The following PKD1 variants were observed in gnomAD, a reference collection of about 807,000 sequenced individuals.
PKD1 encodes the protein polycystin-1.
A neutral mutation model predicts 361.7 loss-of-function variants in PKD1; 81 were observed. The ratio of observed to expected loss-of-function variants is 0.22; its 90% CI spans 0.19 to 0.27. PKD1 has a LOEUF of 0.27. PKD1 is among the 10% of genes least tolerant of loss of function. PKD1 has a pLI of 1.00. For missense variants in PKD1, 6,399 were observed against 6,118.3 expected (o/e 1.05, Z -1.53); for synonymous variants, 3,615 against 2,818.3 (o/e 1.28, Z -8.95).
chr16:2,131,306 T>A (rs1167353050), intron 1 of PKD1, among the ~76,000 whole-genome samples: 1 of 149,332 alleles, frequency 6.7e-6, no homozygotes, highest in East Asian at 2.0e-4. Flanking sequence ...GGTCAGGAGA[T>A]CCAGACCATC....
At position 2,110,691 on chromosome 16, in the gene PKD1, A is replaced by G. The variant is rs1476951933; in HGVS notation, c.4476T>C (p.Arg1492=). Residue 1492 remains arginine (R), a synonymous_variant, in exon 15 of 46, where the codon CGT becomes CGC. Coordinates refer to ENST00000262304, the MANE Select transcript of PKD1 (RefSeq NM_001009944.3). ...CCCACAGGTAGCTGGCGGGGCGCCC[A>G]CGGCCCACAGCAGAGAACAGGTACG... is the stretch of plus-strand genomic sequence containing the variant. ...QQPYLFSAVG[R]GRPASYLWDL... 1 of 1,610,268 alleles carries G rather than the reference A, an allele frequency of 6.2e-7. No individual in the cohort carries two copies. The highest frequency in any genetic ancestry group is 1.7e-5 in the Admixed American group (1 of 60,002).
chr16:2,105,512 G>C (rs564141511), intron 20 of PKD1, 38 bp from the exon 21 acceptor site: 2 of 1,595,100 alleles, frequency 1.3e-6, no homozygotes, highest in Admixed American at 1.7e-5. Flanking sequence ...TGTCAGCAGC[G>C]CAGGAGGCCG....
intron 1 of PKD1, among the ~76,000 whole-genome samples, chr16:2,126,133 C>G (rs2092797010): frequency 6.6e-6 from 1 of 152,228 alleles, no homozygotes; most frequent in Admixed American, 6.5e-5. Context: ...GTGGGCACAG[C>G]CAATGATGGT....
At chr16:2,127,527 C>T (rs568787921) in intron 1 of PKD1, among the ~76,000 whole-genome samples, 1 of 152,286 alleles carries the variant, frequency 6.6e-6, no homozygotes, top group Non-Finnish European at 1.5e-5. Flanking sequence ...CAGTGTCTGG[C>T]TCTCACCCTC....
In PKD1 at chr16:2,117,435, C is replaced by T. The variant is rs780627258; in HGVS notation, c.1385+54G>A. ...GACTCCCCAGCCGCAGGCTCTGCCC[C>T]AGTGCTTCAGAGATCTCCCAACCTA... On this transcript the variant is annotated intron_variant, in intron 6 of 45. Coordinates refer to ENST00000262304, the MANE Select transcript of PKD1 (RefSeq NM_001009944.3). 5.4e-6 allele frequency: 7 copies of T among 1,304,732 alleles called. No homozygotes were observed. In the Admixed American group the frequency reaches 1.1e-4, roughly 20 times the overall value. 80.8% of individuals were successfully genotyped at this position (1,304,732 alleles called of 1,614,324 possible). A position where few individuals can be genotyped will look rare whatever the true frequency, so the allele number is the denominator to read the frequency against.
Position 2,090,720 on chromosome 16 carries a change from A to G in PKD1, c.12092T>C (p.Leu4031Ser), listed in dbSNP as rs1055349074. ...GGCTACCCCGAGCACCACCAGGCCC[A>G]AGGTGACCCCCAGGAGCTCTGGCAG... ...RALPELLGVT[L>S]GLVVLGVAYA... Residue 4031 changes from leucine (L) to serine (S), a missense_variant, in exon 44 of 46, where the codon TTG becomes TCG. Physicochemically the swap from Leu to Ser is moderately radical, Grantham distance 145. Transcript: ENST00000262304. 1.2e-6 allele frequency: 2 copies of G among 1,612,580 alleles called. No homozygotes were observed. Among genetic ancestry groups the G allele is most frequent in the Non-Finnish European group, 1.7e-6 (2 of 1,179,954 alleles).
chr16:2,131,903 AT>A (rs2092886048), intron 1 of PKD1: 1 of 152,220 alleles, frequency 6.6e-6, no homozygotes, highest in African/African-American at 2.4e-5. Flanking sequence ...GCCAGGTAGA[AT>A]TCTTCATTCT....
At position 2,105,296 on chromosome 16, in the gene PKD1, A is replaced by G. The variant is rs9934488; in HGVS notation, c.8016+26T>C. On this transcript the variant is annotated intron_variant, in intron 21 of 45. Coordinates refer to ENST00000262304, the MANE Select transcript of PKD1 (RefSeq NM_001009944.3). ...CAGTGCCCTGGCAGGCATGCGGGGC[A>G]GGGTGAGCAGGTGGGGCCATCCTAC... 267,978 of 1,574,962 alleles carry G rather than the reference A, an allele frequency of 0.17. 28,642 individuals carry two copies. The highest frequency in any genetic ancestry group is 0.48 in the African/African-American group (35,064 of 73,348).
rs771831971 is a variant in PKD1 at position 2,106,153 on chromosome 16, G to A, written c.7641C>T (p.Phe2547=). ...AVLPPGFRPH[F]EVGLAVVVQD... ...GCACCACCACGGCCAGGCCCACCTC[G>A]AAGTGTGGCCTGAAACCCGGGGGCA... The change falls in exon 19 of 46, where the codon TTC becomes TTT. Residue 2547 remains phenylalanine (F), a synonymous_variant. Transcript: ENST00000262304. This position sits in a 1 kb window ranked among gnomAD's most constrained non-coding sequence, Gnocchi z 6.5. 49 of 1,607,510 alleles carry A rather than the reference G, an allele frequency of 3.0e-5. No individual in the cohort carries two copies. Among genetic ancestry groups the A allele is most frequent in the East Asian group, 6.7e-5 (3 of 44,810 alleles).
At position 2,089,722 on chromosome 16, in the gene PKD1, G is replaced by A. The variant is rs1164276235; in HGVS notation, c.*5C>T. ...TCCACGGCCCACCCCCGCCAGGAAG[G>A]AGGACTAAGTGCTGCTGGGGTGGAC... On this transcript the variant is annotated 3_prime_UTR_variant, in exon 46 of 46. Transcript: ENST00000262304. The A allele has an allele frequency of 6.3e-7, 1 of 1,577,650 alleles. No individual in the cohort carries two copies. Among genetic ancestry groups the A allele is most frequent in the Non-Finnish European group, 8.6e-7 (1 of 1,163,304 alleles).
rs780617778 is a variant in PKD1, at chr16:2,090,824, C to G, written c.12004-16G>C. 6.2e-7 allele frequency: 1 copy of G among 1,611,950 alleles called. No homozygotes were observed. The highest frequency in any genetic ancestry group is 2.2e-5 in the East Asian group (1 of 44,874). On this transcript the variant is annotated splice_polypyrimidine_tract_variant and intron_variant, in intron 43 of 45. Coordinates refer to ENST00000262304, the MANE Select transcript of PKD1 (RefSeq NM_001009944.3). ...GCTGGGCAGCCTGCGGACGAGAAAT[C>G]TGTCTGCTTGCAGCCCTGGGGTGTG...
At chr16:2,105,511 C>T (rs1264443730) in intron 20 of PKD1, 37 bp from the exon 21 acceptor site, 11 of 1,595,198 alleles carry the variant, frequency 6.9e-6, no homozygotes, top group South Asian at 2.2e-5. Context: ...CTGTCAGCAG[C>T]GCAGGAGGCC....
intron 36 of PKD1, 23 bp downstream of exon 36, chr16:2,093,788 C>T (rs754499177): frequency 6.4e-7 from 1 of 1,555,942 alleles, no homozygotes; most frequent in Non-Finnish European, 8.7e-7. Flanking sequence ...AGGCCTGTAG[C>T]CTACCCCTGG....
intron 22 of PKD1, 22 bp downstream of exon 22, chr16:2,104,476 C>T (rs778846141): frequency 1.6e-5 from 24 of 1,485,786 alleles, no homozygotes; most frequent in East Asian, 4.8e-5. Flanking sequence ...GGGCGGGTGG[C>T]ATGGGGCACG....
At position 2,109,191 on chromosome 16, in the gene PKD1, G is replaced by A. The variant is rs749661190; in HGVS notation, c.5976C>T (p.Phe1992=). The A allele has an allele frequency of 2.5e-6, 4 of 1,597,728 alleles. No homozygotes were observed. The highest frequency in any genetic ancestry group is 1.7e-5 in the Admixed American group (1 of 59,750). Residue 1992 remains phenylalanine (F), a synonymous_variant, in exon 15 of 46, where the codon TTC becomes TTT. Transcript: ENST00000262304. The part of the protein sequence containing the change: ...PGIATGTERN[F]TARVQRGSRV... The stretch of plus-strand genomic sequence containing the variant: ...GAGAGCCGCGCTGCACGCGGGCTGT[G>A]AAGTTCCTCTCAGTGCCCGTGGCGA...
chr16:2,106,262 G>C lies in PKD1; in HGVS notation c.7532C>G (p.Ala2511Gly), dbSNP rs1028394496. 2 of 1,610,092 alleles carry C rather than the reference G, an allele frequency of 1.2e-6. No homozygotes were observed. The highest frequency in any genetic ancestry group is 2.7e-5 in the African/African-American group (2 of 74,836). The stretch of plus-strand genomic sequence containing the variant: ...CTGGCGACAGCGCCGCAGCAGCAGG[G>C]CGTACACCAGCGGGGCGCCAGCATC... ...AEDAGAPLVY[A>G]LLLRRCRQGH... is the part of the protein sequence containing the mutation. The change falls in exon 19 of 46, where the codon GCC becomes GGC. Residue 2511 changes from alanine (A) to glycine (G), a missense_variant. Coordinates refer to ENST00000262304, the MANE Select transcript of PKD1 (RefSeq NM_001009944.3). This position sits in a 1 kb window ranked among gnomAD's most constrained non-coding sequence, Gnocchi z 6.5.
In PKD1 at chr16:2,104,618, G is replaced by A. The variant is rs540634317; in HGVS notation, c.8041C>T (p.Arg2681Cys). The A allele has an allele frequency of 2.2e-4, 350 of 1,581,244 alleles. 1 individual carries two copies. The highest frequency in any genetic ancestry group is 1.3e-3 in the Admixed American group (78 of 58,828). The part of the protein sequence containing the change: ...CMGPSRELVC[R>C]SCLKQTLHKL... Reference sequence around the variant, plus strand: ...TGCAGCGTCTGCTTCAGGCACGAGCGGCATACGAGCTCCCTGCTGGGCCCC... The same window carrying A: ...TGCAGCGTCTGCTTCAGGCACGAGCAGCATACGAGCTCCCTGCTGGGCCCC... Residue 2681 changes from arginine to cysteine, a missense_variant, in exon 22 of 46, where the codon CGC (arginine) becomes TGC (cysteine). Coordinates refer to ENST00000262304, the MANE Select transcript of PKD1 (RefSeq NM_001009944.3).
Position 2,097,491 on chromosome 16 carries a change from C to A in PKD1, c.10233G>T (p.Trp3411Cys), listed in dbSNP as rs1300254603. 2 of 1,601,868 alleles carry A rather than the reference C, an allele frequency of 1.2e-6. No individual in the cohort carries two copies. The highest frequency in any genetic ancestry group is 3.3e-5 in the Admixed American group (2 of 60,006). The stretch of plus-strand genomic sequence containing the variant: ...AACTGAGCGTTCCCTCGCCGGAGGG[C>A]CAGCACACCAGACTGCAGGTGGCGC... The part of the protein sequence containing the change: ...FLDDSKSLVC[W>C]PSGEGTLSWP... The change falls in exon 33 of 46, where the codon TGG becomes TGT. Residue 3411 changes from tryptophan (W) to cysteine (C), a missense_variant. By Grantham distance (215) the Trp-to-Cys change is radical. Coordinates refer to ENST00000262304, the MANE Select transcript of PKD1 (RefSeq NM_001009944.3).
chr16:2,103,775 C>A lies in PKD1; in HGVS notation c.8282G>T (p.Arg2761Leu), dbSNP rs145629362. ...GAGCACGCGGGAGCGCATGAGGATG[C>A]GCATGAGGGCAGAGGTCAGGTTGTA... ...QAYNLTSALM[R>L]ILMRSRVLNE... The change falls in exon 23 of 46, where the codon CGC becomes CTC. Residue 2761 changes from arginine to leucine, a missense_variant. Physicochemically the swap from Arg to Leu is moderately radical, Grantham distance 102. Coordinates refer to ENST00000262304, the MANE Select transcript of PKD1 (RefSeq NM_001009944.3). The A allele has an allele frequency of 2.5e-6, 4 of 1,609,628 alleles. No individual in the cohort carries two copies. The South Asian group carries it at 3.3e-5, about 13-fold the overall frequency.
Sources: allele counts gnomAD v4.1 joint callset (sites outside exome capture counted in the v4.1 genomes callset), GRCh38; gene constraint gnomAD v4.1.1; non-coding constraint Gnocchi (gnomAD v3.1); transcripts MANE v1.5; gene names NCBI Gene and HGNC (gene_info 2026-07-23, HGNC 2026-07-21).